Variants in MSTO1 observed in about 807,000 individuals in gnomAD.
MSTO1 encodes the protein misato mitochondrial distribution and morphology regulator 1.
Under a neutral mutation model 55.7 loss-of-function variants are expected in MSTO1, and 24 were observed. The ratio of observed to expected loss-of-function variants is 0.43; its 90% CI spans 0.31 to 0.61. MSTO1 has a LOEUF of 0.61. Among genes scored for constraint, MSTO1 ranks in the 20% least tolerant of loss-of-function variants. The pLI is 0.09. For synonymous variants in MSTO1, 162 were observed against 252.8 expected (o/e 0.64, Z 3.41); for missense variants, 363 against 625.7 (o/e 0.58, Z 4.48).
upstream of MSTO1, among the ~76,000 whole-genome samples, chr1:155,608,266 C>T (rs112490079): frequency 6.6e-5 from 10 of 152,274 alleles, no homozygotes; most frequent in African/African-American, 2.4e-4. Flanking sequence ...TGCGCTGAAG[C>T]GATCCTCTCA....
the MSTO1 span, among the ~76,000 whole-genome samples, chr1:155,601,121 G>A: frequency 6.6e-6 from 1 of 150,844 alleles, no homozygotes; most frequent in Non-Finnish European, 1.5e-5. Context: ...ACCCAGCCTT[G>A]CTTGTATATT....
At chr1:155,565,618 GA>G in the MSTO1 span, among the ~76,000 whole-genome samples, 41 of 150,578 alleles carry the variant, frequency 2.7e-4, no homozygotes, top group Middle Eastern at 3.4e-3. Context: ...GTGCTTCAAA[GA>G]AAAAAAAATG....
chr1:155,613,429 A>G lies in MSTO1; in HGVS notation c.1284-33A>G, dbSNP rs1264823931. The G allele has an allele frequency of 1.9e-6, 3 of 1,613,314 alleles. No homozygotes were observed. The African/African-American group carries it at 4.0e-5, about 22-fold the overall frequency. ...TTCTGTTTCTTATTCATGCAGCCACAGACTAATGGTGGTTTTGGCTTTGTT... is the reference window on the plus strand; with the variant it reads ...TTCTGTTTCTTATTCATGCAGCCACGGACTAATGGTGGTTTTGGCTTTGTT... On this transcript the variant is annotated intron_variant, in intron 11 of 13. Coordinates refer to ENST00000245564, the MANE Select transcript of MSTO1 (RefSeq NM_018116.4).
the MSTO1 span, among the ~76,000 whole-genome samples, chr1:155,602,353 G>A: frequency 6.6e-6 from 1 of 152,196 alleles, no homozygotes; most frequent in African/African-American, 2.4e-5. Context: ...GCACATGCCT[G>A]TAATCCCAGC....
At chr1:155,597,698 G>A in the MSTO1 span, among the ~76,000 whole-genome samples, 1 of 149,142 alleles carries the variant, frequency 6.7e-6, no homozygotes. Context: ...TTAGTAGGGA[G>A]GGGGTTTCAC....
chr1:155,613,029 G>A lies in MSTO1; in HGVS notation c.1099-20G>A, dbSNP rs536978281. The A allele has an allele frequency of 1.1e-5, 18 of 1,613,858 alleles. No homozygotes were observed. The African/African-American group carries it at 1.9e-4, about 17-fold the overall frequency. On this transcript the variant is annotated intron_variant, in intron 10 of 13. Coordinates refer to ENST00000245564, the MANE Select transcript of MSTO1 (RefSeq NM_018116.4). ...GTGCTGAGAAAATGTCCTATAACGT[G>A]TTCTCTTCCATCTCTTTAGGTGGTG...
chr1:155,601,959 T>A, the MSTO1 span: 1 of 314,372 alleles, frequency 3.2e-6, no homozygotes, highest in Non-Finnish European at 6.4e-6. Flanking sequence ...TTTCACTGTG[T>A]TAGCCAGGAT....
chr1:155,578,304 G>C, the MSTO1 span, among the ~76,000 whole-genome samples: 3 of 149,234 alleles, frequency 2.0e-5, no homozygotes, highest in East Asian at 4.1e-4. Flanking sequence ...TTATGGGGGA[G>C]GGGTGGGGAG....
At chr1:155,606,197 C>CATTTTTTTTTTTTTTTT (rs1558242399), upstream of MSTO1, among the ~76,000 whole-genome samples, 2 of 53,294 alleles carry the variant, frequency 3.8e-5, no homozygotes, top group African/African-American at 1.4e-4. Flanking sequence ...CCATGCCCAG[C>CATTTTTTTTTTTTTTTT]CTTTTTTTTT....
At chr1:155,596,029 G>A in the MSTO1 span, among the ~76,000 whole-genome samples, 2 of 152,132 alleles carry the variant, frequency 1.3e-5, no homozygotes, top group Non-Finnish European at 2.9e-5. Context: ...GGTCTGTGCT[G>A]TAATGTGAGG....
chr1:155,575,618 A>AT, the MSTO1 span, among the ~76,000 whole-genome samples: 1 of 151,566 alleles, frequency 6.6e-6, no homozygotes, highest in East Asian at 1.9e-4. Flanking sequence ...AATTTTTTAA[A>AT]TTTTTTGTAG....
chr1:155,611,431 G>A, intron 4 of MSTO1, 118 bp from the exon 5 acceptor site: 1 of 1,602,324 alleles, frequency 6.2e-7, no homozygotes, highest in Non-Finnish European at 8.5e-7. Flanking sequence ...CCTAAGGACT[G>A]CGACTCGGTG....
At chr1:155,590,586 C>T in the MSTO1 span, 1 of 1,232,784 alleles carries the variant, frequency 8.1e-7, no homozygotes, top group Non-Finnish European at 1.1e-6. Flanking sequence ...AGCGGAGCCC[C>T]CATTCACTTC....
At chr1:155,592,841 C>G in the MSTO1 span, among the ~76,000 whole-genome samples, 2 of 152,022 alleles carry the variant, frequency 1.3e-5, no homozygotes, top group African/African-American at 4.8e-5. Context: ...GCCACTGTGC[C>G]CAGCTTACAG....
At position 155,612,043 on chromosome 1, in the gene MSTO1, C is replaced by T. The variant is rs749059889; in HGVS notation, c.621C>T (p.Tyr207=). The change falls in exon 7 of 14, where the codon TAC becomes TAT. Residue 207 remains tyrosine, a synonymous_variant. Transcript: ENST00000245564. ...AAAGTGTCCTAAAGGAACCCAAGTA[C>T]CAGGAAGAGCTGGAGGACAGGCTGC... is the stretch of plus-strand genomic sequence containing the variant. ...QGESVLKEPK[Y]QEELEDRLHF... The T allele has an allele frequency of 3.1e-6, 5 of 1,602,132 alleles. No homozygotes were observed. The African/African-American group carries it at 6.9e-5, about 22-fold the overall frequency.
intron 11 of MSTO1, 25 bp from the exon 12 acceptor site, chr1:155,613,437 G>T (rs771638641): frequency 2.5e-6 from 4 of 1,613,714 alleles, no homozygotes; most frequent in Non-Finnish European, 3.4e-6. Flanking sequence ...ACAGACTAAT[G>T]GTGGTTTTGG....
chr1:155,588,207 CAAAAA>C, the MSTO1 span, among the ~76,000 whole-genome samples: 23 of 95,802 alleles, frequency 2.4e-4, no homozygotes, highest in African/African-American at 7.9e-4. Context: ...GACTGTGTCT[CAAAAA>C]AAAAAAAAAA....
At chr1:155,563,893 T>TA in the MSTO1 span, 1 of 297,580 alleles carries the variant, frequency 3.4e-6, no homozygotes. Flanking sequence ...TTTGTGGGTG[T>TA]AATTGGTAGT....
the MSTO1 span, among the ~76,000 whole-genome samples, chr1:155,581,937 G>A: frequency 6.6e-6 from 1 of 150,420 alleles, no homozygotes; most frequent in East Asian, 2.0e-4. Flanking sequence ...GGGACTACAG[G>A]TGTGCACCAC....
Sources: gnomAD v4.1 joint callset for allele counts (sites outside exome capture counted in the v4.1 genomes callset) on GRCh38, gnomAD v4.1.1 for gene constraint, MANE v1.5 for transcripts, NCBI Gene and HGNC (gene_info 2026-07-23, HGNC 2026-07-21) for gene names.